The following LDHC variants were observed in gnomAD, a reference collection of about 807,000 sequenced individuals.
The protein encoded by LDHC is lactate dehydrogenase C.
In LDHC, 20 loss-of-function variants were observed where a neutral mutation model predicts 30.2. That is an observed-to-expected ratio of 0.66 (90% CI 0.47 to 0.96). The LOEUF is 0.96. LDHC is among the 40% of genes least tolerant of loss of function. The pLI is 0.00. For missense variants in LDHC, 362 were observed against 394.9 expected, an observed-to-expected ratio of 0.92 and a Z score of 0.71; for synonymous variants, 139 against 132.7, an observed-to-expected ratio of 1.05 and a Z score of -0.32.
chr11:18,450,804 T>C (rs1370698253), intron 7 of LDHC, 159 bp from the exon 8 acceptor site: 3 of 548,594 alleles, frequency 5.5e-6, no homozygotes, highest in African/African-American at 2.0e-5. Flanking sequence ...TTATAGGACA[T>C]AAGGATGCTC....
intron 5 of LDHC, among the ~76,000 whole-genome samples, chr11:18,435,247 A>G (rs1309761918): frequency 6.6e-6 from 1 of 151,976 alleles, no homozygotes; most frequent in Non-Finnish European, 1.5e-5. Context: ...TCCCTGCCCA[A>G]ATCTCATGTT....
At chr11:18,419,938 A>G (rs560200005) in intron 3 of LDHC, among the ~76,000 whole-genome samples, 1 of 152,224 alleles carries the variant, frequency 6.6e-6, no homozygotes, top group African/African-American at 2.4e-5. Flanking sequence ...CTAAAAATAC[A>G]AAAATTAGCT....
intron 4 of LDHC, among the ~76,000 whole-genome samples, chr11:18,434,217 ATTTT>A (rs60806253): frequency 6.8e-6 from 1 of 146,078 alleles, no homozygotes; most frequent in Non-Finnish European, 1.5e-5. Context: ...TTCTTGTATC[ATTTT>A]TTTTTTTTTA....
chr11:18,444,126 G>A (rs1011730079), intron 6 of LDHC, among the ~76,000 whole-genome samples: 3 of 152,110 alleles, frequency 2.0e-5, no homozygotes, highest in African/African-American at 7.2e-5. Flanking sequence ...TTTACAATGT[G>A]TATCAGTTTT....
intron 3 of LDHC, among the ~76,000 whole-genome samples, chr11:18,417,038 C>T (rs1183657941): frequency 2.0e-5 from 3 of 152,164 alleles, no homozygotes; most frequent in Non-Finnish European, 4.4e-5. Flanking sequence ...TGTGTGCCAC[C>T]ATGCCTGGCT....
chr11:18,428,830 G>A (rs1437520194), intron 3 of LDHC, among the ~76,000 whole-genome samples: 2 of 150,896 alleles, frequency 1.3e-5, no homozygotes, highest in East Asian at 3.9e-4. Context: ...AGCTGAGATG[G>A]CACCACCATA....
intron 6 of LDHC, among the ~76,000 whole-genome samples, 183 bp from the exon 7 acceptor site, chr11:18,446,027 T>C (rs1174321900): frequency 6.6e-6 from 1 of 152,126 alleles, no homozygotes; most frequent in East Asian, 1.9e-4. Context: ...TGTAGTGAAG[T>C]TTTATTAGAC....
chr11:18,434,710 C>G, intron 4 of LDHC, 30 bp from the exon 5 acceptor site: 1 of 1,446,970 alleles, frequency 6.9e-7, no homozygotes, highest in Admixed American at 1.9e-5. Flanking sequence ...TATGATGAAT[C>G]TTTTTCTAAC....
At chr11:18,436,204 G>A (rs1232220151) in intron 5 of LDHC, among the ~76,000 whole-genome samples, 1 of 151,702 alleles carries the variant, frequency 6.6e-6, no homozygotes, top group Non-Finnish European at 1.5e-5. Flanking sequence ...AATTTTCTCT[G>A]GTATATTTTA....
At chr11:18,441,551 C>T (rs1288635021) in intron 6 of LDHC, among the ~76,000 whole-genome samples, 3 of 151,054 alleles carry the variant, frequency 2.0e-5, no homozygotes, top group Non-Finnish European at 3.0e-5. Flanking sequence ...ATGATCTGCC[C>T]ACCTTGGCCT....
intron 3 of LDHC, among the ~76,000 whole-genome samples, chr11:18,420,712 G>A (rs574947135): frequency 6.8e-6 from 1 of 147,414 alleles, no homozygotes; most frequent in East Asian, 2.0e-4. Flanking sequence ...GACAATTACT[G>A]TCAGGCCCTC....
chr11:18,449,860 C>G (rs1009320751), intron 7 of LDHC, among the ~76,000 whole-genome samples: 1 of 152,150 alleles, frequency 6.6e-6, no homozygotes, highest in Non-Finnish European at 1.5e-5. Context: ...CTGTGAGGCA[C>G]TGCTCCAGAG....
At chr11:18,446,123 A>G in intron 6 of LDHC, 87 bp from the exon 7 acceptor site, 1 of 1,125,668 alleles carries the variant, frequency 8.9e-7, no homozygotes, top group Non-Finnish European at 1.3e-6. Flanking sequence ...ACATGTAGAT[A>G]ACTTTAAAAT....
chr11:18,419,140 T>C (rs1218670843), intron 3 of LDHC, among the ~76,000 whole-genome samples: 1 of 152,208 alleles, frequency 6.6e-6, no homozygotes, highest in Non-Finnish European at 1.5e-5. Flanking sequence ...AAGACTCAGA[T>C]AGTAGATATT....
intron 6 of LDHC, among the ~76,000 whole-genome samples, chr11:18,440,237 C>G (rs1207231634): frequency 6.6e-6 from 1 of 151,754 alleles, no homozygotes; most frequent in African/African-American, 2.4e-5. Flanking sequence ...TCGCCTGAAC[C>G]TGGGAGGCGG....
chr11:18,414,233 TG>T (rs1192031168), intron 2 of LDHC, among the ~76,000 whole-genome samples: 4 of 152,230 alleles, frequency 2.6e-5, no homozygotes, highest in Non-Finnish European at 5.9e-5. Flanking sequence ...TTCTTATACC[TG>T]GGCCATATGT....
At chr11:18,420,835 C>A (rs2403280) in intron 3 of LDHC, among the ~76,000 whole-genome samples, 75,128 of 151,510 alleles carry the variant, frequency 0.5, 20,378 homozygotes, top group South Asian at 0.64. Context: ...AATATGAAGG[C>A]AAATCTAAAT....
chr11:18,428,989 T>G (rs1190732528), intron 3 of LDHC, among the ~76,000 whole-genome samples: 1 of 152,156 alleles, frequency 6.6e-6, no homozygotes, highest in East Asian at 1.9e-4. Context: ...TTTTCTTGGG[T>G]GGGTCAAGAA....
intron 3 of LDHC, among the ~76,000 whole-genome samples, chr11:18,421,505 T>G (rs1848050542): frequency 6.6e-6 from 1 of 151,970 alleles, no homozygotes; most frequent in South Asian, 2.1e-4. Flanking sequence ...AAACCCCATC[T>G]CTACTAAAAA....
Sources: allele counts gnomAD v4.1 joint callset (sites outside exome capture counted in the v4.1 genomes callset), GRCh38; gene constraint gnomAD v4.1.1; transcripts MANE v1.5; gene names NCBI Gene and HGNC (gene_info 2026-07-23, HGNC 2026-07-21).